FUT8: variants seen among roughly 807,000 people sequenced by gnomAD.
FUT8 encodes alpha-(1,6)-fucosyltransferase.
Under a neutral mutation model 71.3 loss-of-function variants are expected in FUT8, and 29 were observed. That is an observed-to-expected ratio of 0.41 (90% confidence interval 0.30 to 0.55). FUT8 has a LOEUF of 0.55. Among genes scored for constraint, FUT8 ranks in the 20% least tolerant of loss-of-function variants. FUT8 has a pLI of 0.34. For synonymous variants in FUT8, 254 were observed against 239.3 expected (o/e 1.06, Z -0.57); for missense variants, 544 against 702.1 (o/e 0.77, Z 2.55).
intron 2 of FUT8, among the ~76,000 whole-genome samples, chr14:65,461,302 T>C (rs1337135933): frequency 6.6e-6 from 1 of 152,216 alleles, no homozygotes; most frequent in African/African-American, 2.4e-5. Context: ...GTCCTTCTTA[T>C]AAGGATTCCA....
chr14:65,611,843 T>A (rs541017829), intron 3 of FUT8, among the ~76,000 whole-genome samples: 4 of 152,258 alleles, frequency 2.6e-5, no homozygotes, highest in East Asian at 1.9e-4. Context: ...GTATTTTTCA[T>A]AGAGACAGTA....
chr14:65,411,928 T>C, upstream of FUT8: 1 of 429,000 alleles, frequency 2.3e-6, no homozygotes, highest in Non-Finnish European at 4.6e-6. Context: ...TCTGGGCTGC[T>C]CTGGGGCAGC....
the FUT8 span, among the ~76,000 whole-genome samples, chr14:65,368,666 C>T: frequency 2.9e-5 from 4 of 135,902 alleles, 1 homozygote; most frequent in African/African-American, 5.2e-5. Context: ...GGACTACAGG[C>T]GTCCGCCACC....
chr14:65,728,541 A>G lies in FUT8; in HGVS notation c.1259+4218A>G, dbSNP rs184912372. Among the ~76,000 whole-genome samples the G allele has an allele frequency of 2.3e-3, 344 of 152,350 alleles. 2 individuals carry two copies. Among genetic ancestry groups the G allele is most frequent in the Non-Finnish European group, 2.8e-3 (193 of 68,034 alleles). On this transcript the variant is annotated intron_variant, in intron 9 of 10. Coordinates refer to ENST00000673929, the MANE Select transcript of FUT8 (RefSeq NM_001371533.1). ...ATCATTACCGAATCAAGGAAAAAGT[A>G]TTATCCTCAATCCCATTTATGTAGT...
At chr14:65,685,547 T>G (rs1161358443) in intron 7 of FUT8, among the ~76,000 whole-genome samples, 3 of 152,142 alleles carry the variant, frequency 2.0e-5, no homozygotes, top group African/African-American at 7.2e-5. Context: ...TAGAGTAAAG[T>G]GAAAGCAAGT....
In FUT8 at chr14:65,653,612, G is replaced by A. The variant is rs560334559; in HGVS notation, c.598-15631G>A. On this transcript the variant is annotated intron_variant, in intron 6 of 10. Transcript: ENST00000673929. The stretch of plus-strand genomic sequence containing the variant: ...AACAATGAAAAAAATCTTGAGAGCA[G>A]CCAGAGAGAAGCAGCGCATTAATTG... Among the ~76,000 whole-genome samples, 3 of 152,278 alleles carry A rather than the reference G, an allele frequency of 2.0e-5. No homozygotes were observed. The South Asian group carries it at 6.2e-4, about 32-fold the overall frequency.
chr14:65,501,554 T>C (rs188535273), intron 2 of FUT8, among the ~76,000 whole-genome samples: 1 of 152,182 alleles, frequency 6.6e-6, no homozygotes, highest in Non-Finnish European at 1.5e-5. Context: ...GGAAAAAGCA[T>C]GTACTGCATT....
At chr14:65,588,612 C>G (rs912987920) in intron 3 of FUT8, among the ~76,000 whole-genome samples, 11 of 152,112 alleles carry the variant, frequency 7.2e-5, no homozygotes, top group Admixed American at 2.0e-4. Flanking sequence ...AGTTGTGACT[C>G]TTAGTCCTGC....
intron 3 of FUT8, among the ~76,000 whole-genome samples, chr14:65,595,409 G>A (rs1887910932): frequency 6.6e-6 from 1 of 151,924 alleles, no homozygotes; most frequent in Admixed American, 6.6e-5. Flanking sequence ...TTTGTTTCCA[G>A]GGTTTACTTC....
chr14:65,688,144 A>G (rs1893389903), intron 7 of FUT8, among the ~76,000 whole-genome samples: 1 of 152,100 alleles, frequency 6.6e-6, no homozygotes, highest in Non-Finnish European at 1.5e-5. Context: ...TGTGCTGTAC[A>G]ATTCTCTTGC....
the FUT8 span, among the ~76,000 whole-genome samples, chr14:65,403,264 T>C: frequency 6.6e-6 from 1 of 152,228 alleles, no homozygotes; most frequent in African/African-American, 2.4e-5. Context: ...TTATTATTCC[T>C]ACTTTACAGA....
At chr14:65,398,559 C>A in the FUT8 span, among the ~76,000 whole-genome samples, 3 of 151,842 alleles carry the variant, frequency 2.0e-5, no homozygotes, top group Admixed American at 6.6e-5. Flanking sequence ...CATGGCAAAA[C>A]CCCATCTTTA....
intron 1 of FUT8, among the ~76,000 whole-genome samples, chr14:65,431,676 T>A (rs199819926): frequency 8.5e-5 from 11 of 129,484 alleles, no homozygotes; most frequent in African/African-American, 2.9e-4. Flanking sequence ...TTTTTTTTTT[T>A]AATGTAAGAT....
At chr14:65,699,787 C>T (rs752075929) in intron 7 of FUT8, among the ~76,000 whole-genome samples, 4 of 152,160 alleles carry the variant, frequency 2.6e-5, no homozygotes, top group Non-Finnish European at 5.9e-5. Flanking sequence ...TGAACCTTGA[C>T]TAACACCATT....
chr14:65,566,195 A>G (rs1406259174), intron 3 of FUT8, among the ~76,000 whole-genome samples: 2 of 151,964 alleles, frequency 1.3e-5, no homozygotes, highest in Non-Finnish European at 2.9e-5. Context: ...TTCTGGAAGG[A>G]TAGCCCAGAT....
chr14:65,367,482 G>T, the FUT8 span, among the ~76,000 whole-genome samples: 4 of 152,250 alleles, frequency 2.6e-5, no homozygotes, highest in Admixed American at 1.3e-4. Context: ...ATTTGGAAGG[G>T]TGGTAAGCAT....
At chr14:65,532,523 G>A (rs910195089) in intron 2 of FUT8, among the ~76,000 whole-genome samples, 1 of 151,898 alleles carries the variant, frequency 6.6e-6, no homozygotes, top group Non-Finnish European at 1.5e-5. Context: ...TATAGATGTT[G>A]GAAATTAGAC....
At chr14:65,733,576 T>C (rs1896078442) in intron 10 of FUT8, among the ~76,000 whole-genome samples, 195 bp downstream of exon 10, 2 of 152,222 alleles carry the variant, frequency 1.3e-5, no homozygotes, top group Non-Finnish European at 2.9e-5. Flanking sequence ...TGCACTAATA[T>C]TTAGTTGTTT....
At chr14:65,442,199 C>A (rs1453296980) in intron 1 of FUT8, among the ~76,000 whole-genome samples, 2 of 146,932 alleles carry the variant, frequency 1.4e-5, no homozygotes, top group African/African-American at 2.5e-5. Context: ...TTTTTTGAGG[C>A]TGAGTCTTGC....
Sources: allele counts gnomAD v4.1 joint callset (sites outside exome capture counted in the v4.1 genomes callset), GRCh38; gene constraint gnomAD v4.1.1; transcripts MANE v1.5; gene names NCBI Gene and HGNC (gene_info 2026-07-23, HGNC 2026-07-21).